NOX3: variants seen among roughly 807,000 people sequenced by gnomAD.
The protein encoded by NOX3 is NADPH oxidase catalytic subunit-like 3.
NOX3 carries 74 observed loss-of-function variants against 76.7 expected under a neutral mutation model. That is an observed-to-expected ratio of 0.96 (90% CI 0.80 to 1.17). The LOEUF is 1.17. Ranked by LOEUF, NOX3 falls within the 50% of genes most tolerant of loss-of-function variation. NOX3 has a pLI of 0.00. For synonymous variants in NOX3, 263 were observed against 261.1 expected (o/e 1.01, Z -0.07); for missense variants, 695 against 703.3 (o/e 0.99, Z 0.13).
At chr6:155,404,314 C>T (rs1779276567) in intron 12 of NOX3, among the ~76,000 whole-genome samples, 1 of 152,000 alleles carries the variant, frequency 6.6e-6, no homozygotes, top group South Asian at 2.1e-4. Context: ...ACTGGGGGCC[C>T]TGGAGCCAGG....
At position 155,430,902 on chromosome 6, in the gene NOX3, A is replaced by T. The variant is rs755008502; in HGVS notation, c.832T>A (p.Tyr278Asn). The T allele has an allele frequency of 6.2e-7, 1 of 1,613,416 alleles. No individual in the cohort carries two copies. Among genetic ancestry groups the T allele is most frequent in the East Asian group, 2.2e-5 (1 of 44,864 alleles). Residue 278 changes from tyrosine (Y) to asparagine (N), a missense_variant, in exon 8 of 14, where the codon TAT becomes AAT. Transcript: ENST00000159060. Reference protein sequence around the residue: ...WKWILGPVVLYACERIIRFWR... With the variant: ...WKWILGPVVLNACERIIRFWR... ...AACCTAATTATTCTTTCACATGCAT[A>T]CAAGACCACAGGGCCTAAAATCCAT...
At position 155,455,042 on chromosome 6, in the gene NOX3, T is replaced by C. The variant is rs1777195241; in HGVS notation, c.136A>G (p.Ile46Val). 6.2e-7 allele frequency: 1 copy of C among 1,610,606 alleles called. No individual in the cohort carries two copies. The highest frequency in any genetic ancestry group is 1.7e-5 in the Admixed American group (1 of 59,832). Residue 46 changes from isoleucine to valine, a missense_variant, in exon 2 of 14, where the codon ATT (isoleucine) becomes GTT (valine). Ile to Val is a conservative substitution (Grantham distance 29). Transcript: ENST00000159060. ...EEESFHYTRVILGSTLAWARA... is the reference protein window; with the variant it reads ...EEESFHYTRVVLGSTLAWARA... ...TCATAAACTGTACTTACACCCAAAA[T>C]AACTCGTGTGTAATGGAAAGACTCC...
intron 3 of NOX3, among the ~76,000 whole-genome samples, chr6:155,454,106 GAC>G (rs1447823443): frequency 1.3e-5 from 2 of 152,090 alleles, no homozygotes; most frequent in Non-Finnish European, 2.9e-5. Context: ...TGCTAAAAAA[GAC>G]ACAGAGACAC....
At chr6:155,400,914 T>G (rs927648260) in intron 12 of NOX3, among the ~76,000 whole-genome samples, 2 of 152,050 alleles carry the variant, frequency 1.3e-5, no homozygotes, top group African/African-American at 4.8e-5. Flanking sequence ...CTGAGGTGCA[T>G]AGATAAAGTT....
At chr6:155,407,415 T>C (rs1310607066) in intron 11 of NOX3, among the ~76,000 whole-genome samples, 161 bp from the exon 12 acceptor site, 11 of 152,226 alleles carry the variant, frequency 7.2e-5, no homozygotes, top group Admixed American at 7.2e-4. Flanking sequence ...TGCTGCACTT[T>C]AGGGCAAGCA....
intron 1 of NOX3, 68 bp downstream of exon 1, chr6:155,455,685 A>C (rs935789555): frequency 1.6e-6 from 2 of 1,287,426 alleles, no homozygotes; most frequent in African/African-American, 1.5e-5. Flanking sequence ...TTCCTATACA[A>C]GTTTTCCTAA....
At position 155,453,549 on chromosome 6, in the gene NOX3, A is replaced by G. The variant is rs193113356; in HGVS notation, c.256-61T>C. The G allele has an allele frequency of 1.2e-4, 162 of 1,306,182 alleles. 1 individual carries two copies. The East Asian group carries it at 3.7e-3, about 30-fold the overall frequency. 80.9% of individuals were successfully genotyped at this position (1,306,182 alleles called of 1,614,324 possible). Reference sequence around the variant, plus strand: ...AAATTGCAGTGAAAACAATCTCATGAAAGTTAAGAGAGTAGGAATCAGGCT... The same window carrying G: ...AAATTGCAGTGAAAACAATCTCATGGAAGTTAAGAGAGTAGGAATCAGGCT... On this transcript the variant is annotated intron_variant, in intron 3 of 13. Transcript: ENST00000159060.
chr6:155,427,776 A>G (rs1429772244), intron 9 of NOX3, among the ~76,000 whole-genome samples: 1 of 152,180 alleles, frequency 6.6e-6, no homozygotes, highest in African/African-American at 2.4e-5. Flanking sequence ...GCTTTTGGGT[A>G]ACCCTGTATG....
At chr6:155,455,255 C>CAT (rs995433099) in intron 1 of NOX3, 126 bp from the exon 2 acceptor site, 11 of 614,628 alleles carry the variant, frequency 1.8e-5, no homozygotes, top group Non-Finnish European at 3.2e-5. Context: ...AATTACTCCA[C>CAT]ATATTTATTT....
At chr6:155,443,031 G>A (rs541097812) in intron 5 of NOX3, among the ~76,000 whole-genome samples, 9 of 152,210 alleles carry the variant, frequency 5.9e-5, no homozygotes, top group East Asian at 1.9e-4. Flanking sequence ...TTTCTAGTGT[G>A]TGTGTGTATA....
chr6:155,406,993 A>G (rs1489900857), intron 12 of NOX3, 137 bp downstream of exon 12: 4 of 919,068 alleles, frequency 4.4e-6, no homozygotes, highest in Non-Finnish European at 4.9e-6. Flanking sequence ...GAAATATACC[A>G]TTGATCACCT....
At chr6:155,402,013 G>A (rs181288315) in intron 12 of NOX3, among the ~76,000 whole-genome samples, 237 of 152,144 alleles carry the variant, frequency 1.6e-3, no homozygotes, top group Non-Finnish European at 1.9e-4. Flanking sequence ...CTGAGTATCC[G>A]TACAATGTGT....
intron 9 of NOX3, among the ~76,000 whole-genome samples, chr6:155,427,682 C>T (rs1296312616): frequency 6.6e-6 from 1 of 152,192 alleles, no homozygotes; most frequent in Non-Finnish European, 1.5e-5. Flanking sequence ...TGCTTCTTTT[C>T]AAATATGAAA....
intron 7 of NOX3, among the ~76,000 whole-genome samples, chr6:155,432,424 G>A (rs1725809234): frequency 1.6e-5 from 2 of 127,978 alleles, no homozygotes; most frequent in African/African-American, 5.7e-5. Context: ...GTGGGGGCAG[G>A]AAGGATGTCT....
intron 13 of NOX3, among the ~76,000 whole-genome samples, chr6:155,395,897 G>T (rs1348719019): frequency 6.6e-6 from 1 of 152,072 alleles, no homozygotes; most frequent in Non-Finnish European, 1.5e-5. Flanking sequence ...ACAAGCATTT[G>T]TTAAAAGAGA....
At position 155,411,318 on chromosome 6, in the gene NOX3, A is replaced by T. The variant is rs778611917; in HGVS notation, c.1351T>A (p.Trp451Arg). ...WICRDARAFE[W>R]FADLLLSLET... ...AGGGAGAGTAAGAGATCAGCAAACC[A>T]CTCAAAAGCTCTTGCATCCCGGCAA... The change falls in exon 11 of 14, where the codon TGG becomes AGG. Residue 451 changes from tryptophan (W) to arginine (R), a missense_variant. Coordinates refer to ENST00000159060, the MANE Select transcript of NOX3 (RefSeq NM_015718.3). 1 of 1,613,818 alleles carries T rather than the reference A, an allele frequency of 6.2e-7. No individual in the cohort carries two copies. The highest frequency in any genetic ancestry group is 2.2e-5 in the East Asian group (1 of 44,864).
intron 11 of NOX3, among the ~76,000 whole-genome samples, chr6:155,409,423 GCACCATTT>G (rs780167239): frequency 5.4e-4 from 82 of 152,116 alleles, no homozygotes; most frequent in Non-Finnish European, 9.3e-4. Context: ...AGAAGTTCGG[GCACCATTT>G]CACACACAAA....
In NOX3 at chr6:155,420,161, T is replaced by C. The variant is rs553056554; in HGVS notation, c.1308+2533A>G. Among the ~76,000 whole-genome samples, 2 of 150,514 alleles carry C rather than the reference T, an allele frequency of 1.3e-5. 1 individual carries two copies. Among genetic ancestry groups the C allele is most frequent in the South Asian group, 4.3e-4 (2 of 4,696 alleles). On this transcript the variant is annotated intron_variant, in intron 10 of 13. Coordinates refer to ENST00000159060, the MANE Select transcript of NOX3 (RefSeq NM_015718.3). ...ACATAACAGTAGGGCAGCAAAGGAG[T>C]GGTGGAGGTTAAGAGAAGGGGGAGG... is the stretch of plus-strand genomic sequence containing the variant.
chr6:155,407,510 G>T (rs1004626205), intron 11 of NOX3, among the ~76,000 whole-genome samples: 1 of 152,166 alleles, frequency 6.6e-6, no homozygotes, highest in Non-Finnish European at 1.5e-5. Flanking sequence ...CATTAACCTA[G>T]AAAGAATATT....
Sources: allele counts gnomAD v4.1 joint callset (sites outside exome capture counted in the v4.1 genomes callset), GRCh38; gene constraint gnomAD v4.1.1; transcripts MANE v1.5; gene names NCBI Gene and HGNC (gene_info 2026-07-23, HGNC 2026-07-21).